TPRG1: variants seen among roughly 807,000 people sequenced by gnomAD.
The protein encoded by TPRG1 is tumor protein p63 regulated 1.
A neutral mutation model predicts 29.3 loss-of-function variants in TPRG1; 29 were observed. That is an observed-to-expected ratio of 0.99 (90% confidence interval 0.74 to 1.35). TPRG1 has a LOEUF of 1.35. Among genes scored for constraint, TPRG1 ranks in the 40% most tolerant of loss-of-function variants. The pLI, the probability that TPRG1 is intolerant of heterozygous loss-of-function variation, is 0.00. For synonymous variants in TPRG1, 130 were observed against 116.8 expected (o/e 1.11, Z -0.73); for missense variants, 327 against 335.0 (o/e 0.98, Z 0.19).
chr3:189,113,403 C>T (rs1351408053), intron 1 of TPRG1, among the ~76,000 whole-genome samples: 3 of 152,092 alleles, frequency 2.0e-5, no homozygotes, highest in Non-Finnish European at 4.4e-5. Context: ...GCCAGAACTT[C>T]CAACACTATG....
chr3:189,271,537 T>G (rs530998504), intron 4 of TPRG1, among the ~76,000 whole-genome samples: 2 of 152,254 alleles, frequency 1.3e-5, no homozygotes, highest in East Asian at 3.9e-4. Flanking sequence ...TAGCAGAAAA[T>G]AGAAAAGAAA....
chr3:189,011,927 T>A (rs1428079199), intron 3 of TPRG1, among the ~76,000 whole-genome samples: 1 of 152,214 alleles, frequency 6.6e-6, no homozygotes. Context: ...GATTTGGCTC[T>A]CAGCTTGCCT....
upstream of TPRG1, among the ~76,000 whole-genome samples, chr3:189,168,045 G>A (rs996587159): frequency 3.9e-5 from 6 of 152,084 alleles, no homozygotes; most frequent in Non-Finnish European, 8.8e-5. Flanking sequence ...CTTTCATTGC[G>A]GATAAAATTG....
intron 1 of TPRG1, among the ~76,000 whole-genome samples, chr3:189,184,885 C>T (rs186676450): frequency 2.5e-4 from 38 of 152,244 alleles, no homozygotes; most frequent in South Asian, 4.2e-4. Flanking sequence ...AACAGCAGAG[C>T]GGATGGGATC....
At chr3:189,040,078 G>C (rs554764887) in intron 4 of TPRG1, among the ~76,000 whole-genome samples, 1 of 152,252 alleles carries the variant, frequency 6.6e-6, no homozygotes, top group African/African-American at 2.4e-5. Flanking sequence ...CTGGAAAGCT[G>C]CCTCCCTGAC....
intron 4 of TPRG1, among the ~76,000 whole-genome samples, chr3:189,049,800 C>G (rs1166169317): frequency 6.6e-6 from 1 of 152,154 alleles, no homozygotes; most frequent in African/African-American, 2.4e-5. Flanking sequence ...CTGAGAGACC[C>G]ATAAACGGTT....
At chr3:189,072,046 G>A (rs1716840759) in intron 4 of TPRG1, among the ~76,000 whole-genome samples, 1 of 152,116 alleles carries the variant, frequency 6.6e-6, no homozygotes. Context: ...GGCCATACTG[G>A]GCCTTTGTCA....
intron 3 of TPRG1, among the ~76,000 whole-genome samples, chr3:189,023,020 C>G (rs1578204047): frequency 6.6e-6 from 1 of 152,234 alleles, no homozygotes; most frequent in South Asian, 2.1e-4. Context: ...CTTTCTTTGA[C>G]TCGGAAAGGG....
At chr3:189,039,825 T>A (rs1322376906) in intron 4 of TPRG1, among the ~76,000 whole-genome samples, 1 of 136,588 alleles carries the variant, frequency 7.3e-6, no homozygotes, top group Admixed American at 8.3e-5. Context: ...CATTCTGATA[T>A]CTTCTTCTCA....
At chr3:189,302,097 G>C (rs1157544453) in intron 4 of TPRG1, among the ~76,000 whole-genome samples, 1 of 152,092 alleles carries the variant, frequency 6.6e-6, no homozygotes, top group Non-Finnish European at 1.5e-5. Flanking sequence ...ATGATTTCCT[G>C]TCTTCAAAGT....
At chr3:189,239,224 CTCT>C (rs1215791333) in intron 4 of TPRG1, among the ~76,000 whole-genome samples, 2 of 152,032 alleles carry the variant, frequency 1.3e-5, no homozygotes, top group African/African-American at 4.8e-5. Flanking sequence ...AGGGGAAAGT[CTCT>C]TCTTATATGG....
At chr3:189,088,189 T>A (rs1014306549) in intron 4 of TPRG1, among the ~76,000 whole-genome samples, 9 of 152,194 alleles carry the variant, frequency 5.9e-5, no homozygotes, top group African/African-American at 1.9e-4. Context: ...TGAGCAGTGG[T>A]TTGTAGTTCT....
intron 3 of TPRG1, among the ~76,000 whole-genome samples, chr3:189,222,954 C>T (rs1453345475): frequency 1.3e-5 from 2 of 152,182 alleles, no homozygotes; most frequent in Non-Finnish European, 2.9e-5. Context: ...GATACCAAGT[C>T]CATAGAGCCT....
intron 2 of TPRG1, among the ~76,000 whole-genome samples, chr3:189,208,688 A>G (rs557576984): frequency 2.8e-4 from 43 of 152,328 alleles, no homozygotes; most frequent in Admixed American, 6.5e-4. Context: ...CTGCATATGT[A>G]GAGCATATGG....
intron 4 of TPRG1, among the ~76,000 whole-genome samples, chr3:189,285,388 T>C (rs572141770): frequency 6.6e-6 from 1 of 152,334 alleles, no homozygotes; most frequent in East Asian, 1.9e-4. Context: ...GCACCTGTTC[T>C]GTGTGTTTTA....
chr3:189,287,881 G>A (rs1165380665), intron 4 of TPRG1, among the ~76,000 whole-genome samples: 1 of 152,034 alleles, frequency 6.6e-6, no homozygotes, highest in East Asian at 1.9e-4. Flanking sequence ...AACGTTTTAG[G>A]TGGGAATTTG....
chr3:189,024,622 G>A (rs1490568174), intron 4 of TPRG1, among the ~76,000 whole-genome samples: 1 of 152,094 alleles, frequency 6.6e-6, no homozygotes, highest in Non-Finnish European at 1.5e-5. Context: ...CCTGCAGTCT[G>A]GAACAGATGA....
At chr3:189,206,051 CTGTCTTT>C (rs1560549963) in intron 1 of TPRG1, among the ~76,000 whole-genome samples, 2 of 133,524 alleles carry the variant, frequency 1.5e-5, no homozygotes, top group African/African-American at 5.8e-5. Context: ...TTCCTTTCTT[CTGTCTTT>C]CTTTCTTTTT....
Position 189,226,228 on chromosome 3 carries a change from G to A in TPRG1, c.302+10845G>A, listed in dbSNP as rs536472596. 9.9e-5 allele frequency among the ~76,000 whole-genome samples: 15 copies of A among 152,232 alleles called. No homozygotes were observed. In the South Asian group the frequency reaches 1.9e-3, roughly 19 times the overall value. On this transcript the variant is annotated intron_variant, in intron 3 of 5. Coordinates refer to ENST00000345063, the MANE Select transcript of TPRG1 (RefSeq NM_198485.4). The stretch of plus-strand genomic sequence containing the variant: ...CTTTTTAAGCATCTACATTACATAC[G>A]GATGCTGATGCAGTATTTTGCTTAT...
Sources: gnomAD v4.1 joint callset for allele counts (sites outside exome capture counted in the v4.1 genomes callset) on GRCh38, gnomAD v4.1.1 for gene constraint, MANE v1.5 for transcripts, NCBI Gene and HGNC (gene_info 2026-07-23, HGNC 2026-07-21) for gene names.